LAMP2: variants seen among roughly 807,000 people sequenced by gnomAD.
The protein encoded by LAMP2 is lysosome-associated membrane glycoprotein 2.
Under a neutral mutation model 25.6 loss-of-function variants are expected in LAMP2, and 4 were observed. The observed-to-expected ratio is 0.16, with a 90% CI of 0.08 to 0.36. The LOEUF (loss-of-function observed/expected upper bound fraction) is 0.36. LAMP2 is among the 10% of genes least tolerant of loss of function. The pLI, the probability that LAMP2 is intolerant of heterozygous loss-of-function variation, is 1.00. For missense variants in LAMP2, 272 were observed against 301.4 expected (o/e 0.90, Z 0.72); for synonymous variants, 108 against 112.7 (o/e 0.96, Z 0.27).
At position 120,442,592 on chromosome X, in the gene LAMP2, T is replaced by C; in HGVS notation, c.928+7A>G. 1.7e-6 allele frequency: 2 copies of C among 1,199,338 alleles called. No individual in the cohort carries two copies. The highest frequency in any genetic ancestry group is 2.3e-6 in the Non-Finnish European group (2 of 883,935). On this transcript the variant is annotated splice_region_variant and intron_variant, in intron 7 of 8. Coordinates refer to ENST00000200639, the MANE Select transcript of LAMP2 (RefSeq NM_002294.3). ...AGTCTTTTTCCCCAGGCCAGTGCTT[T>C]GCTTACCGGAGCCATTAACCAAATA... is the stretch of plus-strand genomic sequence containing the variant.
intron 3 of LAMP2, among the ~76,000 whole-genome samples, chrX:120,453,633 C>T (rs778583448): frequency 3.6e-5 from 4 of 111,542 alleles, no homozygotes; most frequent in Non-Finnish European, 7.5e-5. Flanking sequence ...CATGGAGAAA[C>T]CCTGTCTCTA....
intron 6 of LAMP2, among the ~76,000 whole-genome samples, chrX:120,444,491 A>G (rs1341220057): frequency 9.0e-6 from 1 of 110,647 alleles, no homozygotes; most frequent in Non-Finnish European, 1.9e-5. Context: ...ACCAATACAA[A>G]TCAGACCCAT....
In LAMP2 at chrX:120,458,519, C is replaced by T. The variant is rs182177515; in HGVS notation, c.65-1750G>A. Among the ~76,000 whole-genome samples the T allele has an allele frequency of 7.9e-3, 883 of 111,554 alleles. 7 individuals are homozygous for T. Among genetic ancestry groups the T allele is most frequent in the Non-Finnish European group, 0.012 (619 of 53,121 alleles). ...CCGTAAACAAGAGCTGAGAAACACC[C>T]TGAGGGTTCTGGCACACTCTGTTCC... On this transcript the variant is annotated intron_variant, in intron 1 of 8. Transcript: ENST00000200639.
Position 120,429,517 on chromosome X carries a change from A to C in LAMP2, c.*1806T>G. The C allele has an allele frequency of 1.3e-6, 1 of 746,517 alleles. No individual in the cohort carries two copies. The highest frequency in any genetic ancestry group is 1.6e-6 in the Non-Finnish European group (1 of 632,449). The allele number at this position is 746,517 out of a possible 1,213,427, so 61.5% of individuals were successfully genotyped here. A position where few individuals can be genotyped will look rare whatever the true frequency, so the allele number is the denominator to read the frequency against. On this transcript the variant is annotated 3_prime_UTR_variant, in exon 9 of 9. Transcript: ENST00000200639. ...ATTCATTCTCTTCTCTTTTCCTCTT[A>C]TGCTCATGATCCCATCTGAGGAGGA...
intron 8 of LAMP2, among the ~76,000 whole-genome samples, chrX:120,439,636 A>T (rs1045758900): frequency 9.1e-6 from 1 of 109,849 alleles, no homozygotes; most frequent in Non-Finnish European, 1.9e-5. Flanking sequence ...ATATATGCAC[A>T]TTATATATGA....
chrX:120,436,474 C>T (rs746755393), intron 8 of LAMP2: 30 of 736,106 alleles, frequency 4.1e-5, no homozygotes, highest in East Asian at 1.5e-4. Flanking sequence ...CTTTAACCAA[C>T]GGGAAAAAAG....
intron 8 of LAMP2, among the ~76,000 whole-genome samples, chrX:120,435,353 C>G (rs557603895): frequency 3.7e-4 from 41 of 111,411 alleles, no homozygotes; most frequent in African/African-American, 1.3e-3. Flanking sequence ...TGATTATTAA[C>G]GCAGAAAGTT....
At chrX:120,444,471 T>C (rs935328599) in intron 6 of LAMP2, among the ~76,000 whole-genome samples, 13 of 111,175 alleles carry the variant, frequency 1.2e-4, no homozygotes, top group African/African-American at 4.3e-4. Flanking sequence ...CTTACTCTCC[T>C]TATCTCCCTA....
At chrX:120,440,593 T>A (rs1297647387) in intron 8 of LAMP2, among the ~76,000 whole-genome samples, 2 of 112,116 alleles carry the variant, frequency 1.8e-5, no homozygotes, top group Non-Finnish European at 3.8e-5. Flanking sequence ...AGCTCATCTC[T>A]ATTACAGGTG....
chrX:120,462,347 C>A (rs1467940895), intron 1 of LAMP2, among the ~76,000 whole-genome samples: 1 of 108,967 alleles, frequency 9.2e-6, no homozygotes, highest in Non-Finnish European at 1.9e-5. Context: ...ATGGCAAGAC[C>A]CCATCTATAC....
chrX:120,430,141 T>G lies in LAMP2; in HGVS notation c.*1182A>C, dbSNP rs939598084. ...TGATCATGCCCCTATATACATACAA[T>G]GGGTTAATAATACTTCAATGTGGAA... is the stretch of plus-strand genomic sequence containing the variant. On this transcript the variant is annotated 3_prime_UTR_variant, in exon 9 of 9. Coordinates refer to ENST00000200639, the MANE Select transcript of LAMP2 (RefSeq NM_002294.3). 2 of 750,050 alleles carry G rather than the reference T, an allele frequency of 2.7e-6. No individual in the cohort carries two copies. Among genetic ancestry groups the G allele is most frequent in the African/African-American group, 4.6e-5 (2 of 43,334 alleles). 61.8% of individuals were successfully genotyped at this position (750,050 alleles called of 1,213,427 possible).
At chrX:120,441,706 T>TA in intron 8 of LAMP2, 24 bp downstream of exon 8, 6 of 1,153,613 alleles carry the variant, frequency 5.2e-6, no homozygotes, top group Non-Finnish European at 7.1e-6. Context: ...CATAAATTAT[T>TA]AATGAAGTTT....
chrX:120,449,237 C>A, intron 3 of LAMP2, 109 bp from the exon 4 acceptor site: 1 of 590,906 alleles, frequency 1.7e-6, no homozygotes, highest in Non-Finnish European at 2.8e-6. Flanking sequence ...CTACCCCAGG[C>A]ACAAAGTGAC....
At chrX:120,460,605 C>T (rs781626231) in intron 1 of LAMP2, among the ~76,000 whole-genome samples, 1 of 112,209 alleles carries the variant, frequency 8.9e-6, no homozygotes, top group Non-Finnish European at 1.9e-5. Context: ...GAGATTCACC[C>T]ATGTTATGCA....
chrX:120,447,733 A>C (rs1602535653), intron 5 of LAMP2, 108 bp downstream of exon 5: 1 of 737,005 alleles, frequency 1.4e-6, no homozygotes, highest in Non-Finnish European at 2.0e-6. Flanking sequence ...AACAAACAAA[A>C]AGAAAACGGA....
At position 120,463,836 on chromosome X, in the gene LAMP2, C is replaced by G. The variant is rs939190592; in HGVS notation, c.64+5270G>C. On this transcript the variant is annotated intron_variant, in intron 1 of 8. Transcript: ENST00000200639. ...TGGGACATATTTGAATATCTATAAC[C>G]CTATCAGATGTGATAATCAATGACT... 4.6e-4 allele frequency among the ~76,000 whole-genome samples: 49 copies of G among 107,431 alleles called. 2 individuals carry two copies. The highest frequency in any genetic ancestry group is 1.7e-3 in the African/African-American group (48 of 28,348). 93.3% of individuals were successfully genotyped at this position (107,431 alleles called of 115,157 possible).
intron 3 of LAMP2, among the ~76,000 whole-genome samples, chrX:120,452,079 T>C (rs1227420882): frequency 9.0e-6 from 1 of 110,834 alleles, no homozygotes; most frequent in Non-Finnish European, 1.9e-5. Context: ...TAAGCCAGCA[T>C]CTCTGCTTGT....
In LAMP2 at chrX:120,447,955, A is replaced by T. The variant is rs763189947; in HGVS notation, c.627T>A (p.Thr209=). 9 of 1,207,996 alleles carry T rather than the reference A, an allele frequency of 7.5e-6. 1 individual carries two copies. In the South Asian group the frequency reaches 1.6e-4, roughly 21 times the overall value. The change falls in exon 5 of 9, where the codon ACT becomes ACA. Residue 209 remains threonine, a synonymous_variant. Transcript: ENST00000200639. ...PTIHTTVPSP[T]TTPTPKEKPE... ...GTTTTTCCTTTGGAGTAGGTGTTGT[A>T]GTAGGAGATGGCACAGTGGTGTGTA...
At chrX:120,446,024 G>GT (rs371173772) in intron 6 of LAMP2, among the ~76,000 whole-genome samples, 1 of 111,061 alleles carries the variant, frequency 9.0e-6, no homozygotes, top group African/African-American at 3.3e-5. Flanking sequence ...TGTGGGTTTC[G>GT]TTTTTTTCTT....
Sources: allele counts gnomAD v4.1 joint callset (sites outside exome capture counted in the v4.1 genomes callset), GRCh38; gene constraint gnomAD v4.1.1; transcripts MANE v1.5; gene names NCBI Gene and HGNC (gene_info 2026-07-23, HGNC 2026-07-21).